Variants in ADAD2 observed in about 807,000 individuals in gnomAD.
The protein encoded by ADAD2 is adenosine deaminase domain containing 2.
Under a neutral mutation model 54.5 loss-of-function variants are expected in ADAD2, and 60 were observed. The observed-to-expected ratio is 1.10, with a 90% CI of 0.89 to 1.36. The LOEUF is 1.36. Ranked by LOEUF, ADAD2 falls within the 40% of genes most tolerant of loss-of-function variation. ADAD2 has a pLI of 0.00. For synonymous variants in ADAD2, 543 were observed against 366.2 expected (o/e 1.48, Z -5.51); for missense variants, 1,103 against 801.3 (o/e 1.38, Z -4.54).
chr16:84,197,030 G>A lies in ADAD2; in HGVS notation c.*56G>A. ...GCCAAGCTGTACCCCTGCTGGGGGAGTGCCCTATCTGAGGAGCGTTGTGGG... is the reference window on the plus strand; with the variant it reads ...GCCAAGCTGTACCCCTGCTGGGGGAATGCCCTATCTGAGGAGCGTTGTGGG... On this transcript the variant is annotated 3_prime_UTR_variant, in exon 10 of 10. Transcript: ENST00000315906. 6.6e-7 allele frequency: 1 copy of A among 1,516,060 alleles called. No individual in the cohort carries two copies. The highest frequency in any genetic ancestry group is 2.0e-5 in the Admixed American group (1 of 50,246). The allele number at this position is 1,516,060 out of a possible 1,614,324, so 93.9% of individuals were successfully genotyped here. A position where few individuals can be genotyped will look rare whatever the true frequency, so the allele number is the denominator to read the frequency against.
At position 84,196,647 on chromosome 16, in the gene ADAD2, T is replaced by G. The variant is rs763167065; in HGVS notation, c.1527T>G (p.Asn509Lys). Reference sequence around the variant, plus strand: ...TCAGTGGTATCCTCTCTTCATCCAGTGCCGCCCTGGGGCCTCCCTCCCGTC... The same window carrying G: ...TCAGTGGTATCCTCTCTTCATCCAGGGCCGCCCTGGGGCCTCCCTCCCGTC... ...VDVATGRVKANAALGPPSRLC... is the reference protein window; with the variant it reads ...VDVATGRVKAKAALGPPSRLC... Residue 509 changes from asparagine (N) to lysine (K), a missense_variant and splice_region_variant, in exon 9 of 10, where the codon AAT (asparagine) becomes AAG (lysine). By Grantham distance (94) the Asn-to-Lys change is moderately conservative (BLOSUM62 0). Coordinates refer to ENST00000315906, the MANE Select transcript of ADAD2 (RefSeq NM_001145400.2). 1.7e-5 allele frequency: 28 copies of G among 1,612,922 alleles called. No homozygotes were observed. In the South Asian group the frequency reaches 2.7e-4, roughly 16 times the overall value.
Position 84,194,530 on chromosome 16 carries a change from G to C in ADAD2, c.507G>C (p.Gln169His). 6.2e-7 allele frequency: 1 copy of C among 1,611,300 alleles called. No homozygotes were observed. Among genetic ancestry groups the C allele is most frequent in the Non-Finnish European group, 8.5e-7 (1 of 1,179,018 alleles). Residue 169 changes from glutamine (Q) to histidine (H), a missense_variant, in exon 2 of 10, where the codon CAG (glutamine) becomes CAC (histidine). Transcript: ENST00000315906. Reference protein sequence around the residue: ...GTANSKTEAKQQAALSALCYI... With the variant: ...GTANSKTEAKHQAALSALCYI... ...CGAATAGCAAGACGGAGGCCAAACA[G>C]CAGGCAGCGCTCTCTGCCCTCTGCT...
rs1410774860 is a variant in ADAD2 at position 84,191,462 on chromosome 16, C to G, written c.232C>G (p.Leu78Val). ...TGGGGCAGGGGCCGGAGTCGGGGAA[C>G]TGGGGGCAGCCCGGGCGTGGGAAAA... is the stretch of plus-strand genomic sequence containing the variant. Reference protein sequence around the residue: ...GPGAGAGVGELGAARAWENLG... With the variant: ...GPGAGAGVGEVGAARAWENLG... Residue 78 changes from leucine to valine, a missense_variant, in exon 1 of 10, where the codon CTG becomes GTG. Physicochemically the swap from Leu to Val is conservative, Grantham distance 32. Transcript: ENST00000315906. The G allele has an allele frequency of 9.8e-6, 15 of 1,531,260 alleles. No homozygotes were observed. The highest frequency in any genetic ancestry group is 7.4e-5 in the East Asian group (3 of 40,760). 94.9% of individuals were successfully genotyped at this position (1,531,260 alleles called of 1,614,324 possible).
In ADAD2 at chr16:84,196,698, C is replaced by T; in HGVS notation, c.1578C>T (p.Ala526=). The T allele has an allele frequency of 6.2e-7, 1 of 1,613,436 alleles. No homozygotes were observed. The highest frequency in any genetic ancestry group is 8.5e-7 in the Non-Finnish European group (1 of 1,179,994). ...TCTGCAAGGCCTCCTTTCTCCGGGC[C>T]TTTCACCAGGCGGCCAGGGCTGTGG... is the stretch of plus-strand genomic sequence containing the variant. The part of the protein sequence containing the change: ...SRLCKASFLR[A]FHQAARAVGK... Residue 526 remains alanine (A), a synonymous_variant, in exon 9 of 10, where the codon GCC becomes GCT. Transcript: ENST00000315906.
chr16:84,196,351 A>AC lies in ADAD2; in HGVS notation c.1509dup (p.Gly504ArgfsTer104). The AC allele has an allele frequency of 6.2e-7, 1 of 1,612,290 alleles. No homozygotes were observed. Among genetic ancestry groups the AC allele is most frequent in the Non-Finnish European group, 8.5e-7 (1 of 1,179,686 alleles). On this transcript the variant is annotated frameshift_variant, in exon 8 of 10. Coordinates refer to ENST00000315906, the MANE Select transcript of ADAD2 (RefSeq NM_001145400.2). LOFTEE classifies it high-confidence loss of function. ...TGGCATCGAGGTTGTGGATGTGGCC[A>AC]CCGGGCGTGTGAAGGCCAAGTGAGA...
rs374432685 is a variant in ADAD2, at chr16:84,196,050, C to T, written c.1282+6C>T. The T allele has an allele frequency of 3.1e-6, 5 of 1,599,206 alleles. No homozygotes were observed. The Admixed American group carries it at 5.0e-5, about 16-fold the overall frequency. On this transcript the variant is annotated splice_donor_region_variant and intron_variant, in intron 7 of 9. Coordinates refer to ENST00000315906, the MANE Select transcript of ADAD2 (RefSeq NM_001145400.2). ...CAGCACCAGCCTCATCCTGGGTGAGCACGTGGTGAGGGCTGGGGGGGTGAG... is the reference window on the plus strand; with the variant it reads ...CAGCACCAGCCTCATCCTGGGTGAGTACGTGGTGAGGGCTGGGGGGGTGAG...
Position 84,195,098 on chromosome 16 carries a change from G to A in ADAD2, c.637G>A (p.Ala213Thr), listed in dbSNP as rs767211446. ...CATCCTGACCCATGAGCAGCGCTGC[G>A]CAGCGTTGGTGAGCGCCGGCTTTGA... Reference protein sequence around the residue: ...ENILTHEQRCAALVSAGFDLL... With the variant: ...ENILTHEQRCTALVSAGFDLL... The change falls in exon 4 of 10, where the codon GCA becomes ACA. Residue 213 changes from alanine (A) to threonine (T), a missense_variant. By Grantham distance (58) the Ala-to-Thr change is moderately conservative (BLOSUM62 0). Coordinates refer to ENST00000315906, the MANE Select transcript of ADAD2 (RefSeq NM_001145400.2). 34 of 1,613,606 alleles carry A rather than the reference G, an allele frequency of 2.1e-5. No individual in the cohort carries two copies. In the African/African-American group the frequency reaches 2.1e-4, roughly 10 times the overall value.
At position 84,196,347 on chromosome 16, in the gene ADAD2, G is replaced by A. The variant is rs986933756; in HGVS notation, c.1503G>A (p.Val501=). The part of the protein sequence containing the change: ...LGDPGIEVVD[V]ATGRVKANAA... ...ACCCTGGCATCGAGGTTGTGGATGT[G>A]GCCACCGGGCGTGTGAAGGCCAAGT... Residue 501 remains valine, a synonymous_variant, in exon 8 of 10, where the codon GTG becomes GTA. Coordinates refer to ENST00000315906, the MANE Select transcript of ADAD2 (RefSeq NM_001145400.2). 6.2e-7 allele frequency: 1 copy of A among 1,612,570 alleles called. No individual in the cohort carries two copies. The highest frequency in any genetic ancestry group is 8.5e-7 in the Non-Finnish European group (1 of 1,179,784).
intron 1 of ADAD2, 162 bp from the exon 2 acceptor site, chr16:84,194,280 C>T (rs543785215): frequency 8.4e-6 from 13 of 1,549,778 alleles, no homozygotes; most frequent in East Asian, 4.9e-5. Flanking sequence ...CAAGGGTGTG[C>T]GCGGCATGGG....
intron 1 of ADAD2, 126 bp downstream of exon 1, chr16:84,191,774 A>G: frequency 7.1e-7 from 1 of 1,407,948 alleles, no homozygotes; most frequent in Non-Finnish European, 9.7e-7. Flanking sequence ...ACACCGCCGG[A>G]GCAGGACCTG....
Position 84,196,338 on chromosome 16 carries a change from T to G in ADAD2, c.1494T>G (p.Val498=). The G allele has an allele frequency of 6.2e-7, 1 of 1,612,686 alleles. No homozygotes were observed. The highest frequency in any genetic ancestry group is 8.5e-7 in the Non-Finnish European group (1 of 1,179,822). ...NWSLGDPGIE[V]VDVATGRVKA... is the part of the protein sequence containing the mutation. ...GCCTGGGGGACCCTGGCATCGAGGT[T>G]GTGGATGTGGCCACCGGGCGTGTGA... Residue 498 remains valine, a synonymous_variant, in exon 8 of 10, where the codon GTT becomes GTG. Transcript: ENST00000315906.
rs745559203 is a variant in ADAD2, at chr16:84,196,780, C to T, written c.1647+13C>T. ...CGAGGCTGCCAAGGTTGGTTCCCCA[C>T]CCTCCCCCCGTCCCGGTCCCTCTCC... On this transcript the variant is annotated intron_variant, in intron 9 of 9. Transcript: ENST00000315906. 1.9e-6 allele frequency: 3 copies of T among 1,604,094 alleles called. No individual in the cohort carries two copies. Among genetic ancestry groups the T allele is most frequent in the East Asian group, 4.5e-5 (2 of 44,656 alleles).
intron 8 of ADAD2, 99 bp downstream of exon 8, chr16:84,196,469 TTCGC>T (rs2089732231): frequency 1.1e-5 from 8 of 696,206 alleles, no homozygotes; most frequent in African/African-American, 6.8e-5. Context: ...GCGCAACCCC[TTCGC>T]TCAACCCCTT....
intron 1 of ADAD2, chr16:84,192,784 T>C (rs2089672258): frequency 6.6e-6 from 1 of 151,682 alleles, no homozygotes; most frequent in Admixed American, 6.6e-5. Flanking sequence ...CCTCTAGTGA[T>C]CCGCCCGCCT....
At chr16:84,196,476 A>C in intron 8 of ADAD2, 106 bp downstream of exon 8, 1 of 1,545,694 alleles carries the variant, frequency 6.5e-7, no homozygotes. Flanking sequence ...CCCTTCGCTC[A>C]ACCCCTTCGC....
intron 1 of ADAD2, chr16:84,191,867 G>A (rs937562401): frequency 4.3e-6 from 3 of 704,302 alleles, no homozygotes; most frequent in East Asian, 2.8e-5. Flanking sequence ...GCTCAACTGT[G>A]AAAGAGTCAT....
chr16:84,193,975 A>G (rs201533129), intron 1 of ADAD2: 3 of 1,530,362 alleles, frequency 2.0e-6, no homozygotes, highest in Non-Finnish European at 2.6e-6. Context: ...TTTGTGTTAT[A>G]AGTAACACCC....
intron 1 of ADAD2, among the ~76,000 whole-genome samples, chr16:84,192,212 T>A (rs1284217066): frequency 6.6e-6 from 1 of 152,200 alleles, no homozygotes; most frequent in Non-Finnish European, 1.5e-5. Flanking sequence ...TGGAACAAGC[T>A]TGCCTCACTG....
intron 8 of ADAD2, 124 bp downstream of exon 8, chr16:84,196,494 C>T: frequency 2.8e-6 from 4 of 1,405,798 alleles, no homozygotes; most frequent in South Asian, 1.3e-5. Flanking sequence ...CGCTCAACCC[C>T]TTCCTAGCTC....
Sources: gnomAD v4.1 joint callset for allele counts (sites outside exome capture counted in the v4.1 genomes callset) on GRCh38, gnomAD v4.1.1 for gene constraint, MANE v1.5 for transcripts, NCBI Gene and HGNC (gene_info 2026-07-23, HGNC 2026-07-21) for gene names.